DHDH: variants seen among roughly 807,000 people sequenced by gnomAD.
The protein encoded by DHDH is trans-1,2-dihydrobenzene-1,2-diol dehydrogenase.
In DHDH, 29 loss-of-function variants were observed where a neutral mutation model predicts 33.2. The ratio of observed to expected loss-of-function variants is 0.87; its 90% CI spans 0.65 to 1.19. The LOEUF (loss-of-function observed/expected upper bound fraction) is 1.19, where lower values mean the gene tolerates loss of function less well. Ranked by LOEUF, DHDH falls within the 50% of genes most tolerant of loss-of-function variation. The pLI is 0.00. For synonymous variants in DHDH, 201 were observed against 187.9 expected, an observed-to-expected ratio of 1.07 and a Z score of -0.57; for missense variants, 431 against 455.0, an observed-to-expected ratio of 0.95 and a Z score of 0.48.
At chr19:48,941,985 C>CGTGTGTGTGTGTGT (rs60467743) in intron 4 of DHDH, among the ~76,000 whole-genome samples, 6 of 132,148 alleles carry the variant, frequency 4.5e-5, no homozygotes, top group African/African-American at 1.8e-4. Flanking sequence ...GACTGTACTT[C>CGTGTGTGTGTGTGT]GTGTGTGTGT....
At chr19:48,944,615 G>A in intron 6 of DHDH, 108 bp downstream of exon 6, 1 of 1,485,074 alleles carries the variant, frequency 6.7e-7, no homozygotes, top group Non-Finnish European at 9.0e-7. Context: ...CCAGGAGGTT[G>A]CAGTGAGCCG....
chr19:48,937,684 C>T (rs191673159), intron 3 of DHDH, among the ~76,000 whole-genome samples: 2,495 of 151,854 alleles, frequency 0.016, 69 homozygotes, highest in African/African-American at 0.056. Context: ...TGGTGGCGGG[C>T]GCCTGTAGTC....
Position 48,936,583 on chromosome 19 carries a change from C to T in DHDH, c.366+388C>T, listed in dbSNP as rs1457781443. Among the ~76,000 whole-genome samples, 8 of 151,382 alleles carry T rather than the reference C, an allele frequency of 5.3e-5. 1 individual carries two copies. The South Asian group carries it at 1.5e-3, about 28-fold the overall frequency. On this transcript the variant is annotated intron_variant, in intron 3 of 6. Coordinates refer to ENST00000221403, the MANE Select transcript of DHDH (RefSeq NM_014475.4). ...TGGTGGCGGGCGCCTGTAGTCCCAG[C>T]TACTTGGGAGGCTGAGGCAGGAGAA...
rs372422137 is a variant in DHDH at position 48,935,014 on chromosome 19, G to A, written c.105G>A (p.Ala35=). Residue 35 remains alanine, a synonymous_variant, in exon 2 of 7, where the codon GCG becomes GCA. Transcript: ENST00000221403. ...PRSEHQVVAV[A]ARDLSRAKEF... ...TGCCCCTCCAGGTGGTGGCGGTGGCGGCCCGCGATCTGAGCCGTGCGAAGG... is the reference window on the plus strand; with the variant it reads ...TGCCCCTCCAGGTGGTGGCGGTGGCAGCCCGCGATCTGAGCCGTGCGAAGG... 15 of 1,566,010 alleles carry A rather than the reference G, an allele frequency of 9.6e-6. No individual in the cohort carries two copies. The highest frequency in any genetic ancestry group is 1.3e-5 in the Non-Finnish European group (15 of 1,158,526).
At chr19:48,943,974 G>A (rs532662366) in intron 5 of DHDH, among the ~76,000 whole-genome samples, 2 of 133,714 alleles carry the variant, frequency 1.5e-5, no homozygotes, top group African/African-American at 5.0e-5. Context: ...CAGCCTGGGC[G>A]ACAGAGCGAG....
At chr19:48,940,449 T>G (rs1174346433) in intron 4 of DHDH, among the ~76,000 whole-genome samples, 2 of 150,670 alleles carry the variant, frequency 1.3e-5, no homozygotes, top group African/African-American at 2.5e-5. Context: ...GCCACCCAGA[T>G]GTGATGCCCT....
intron 4 of DHDH, 103 bp downstream of exon 4, chr19:48,939,804 A>C: frequency 6.8e-7 from 1 of 1,461,208 alleles, no homozygotes; most frequent in Non-Finnish European, 9.1e-7. Flanking sequence ...ATTAGATCAG[A>C]CACCTAGAGG....
At chr19:48,935,228 G>A (rs2037755345) in intron 2 of DHDH, 117 bp downstream of exon 2, 1 of 738,008 alleles carries the variant, frequency 1.4e-6, no homozygotes. Context: ...GTTCCATAAA[G>A]ACCTTTGGCT....
At chr19:48,940,331 G>A (rs193014062) in intron 4 of DHDH, among the ~76,000 whole-genome samples, 1 of 151,650 alleles carries the variant, frequency 6.6e-6, no homozygotes, top group African/African-American at 2.4e-5. Flanking sequence ...CTCTAGCCTG[G>A]GCGACAGAGT....
At chr19:48,936,471 C>A (rs60599403) in intron 3 of DHDH, among the ~76,000 whole-genome samples, 1 of 151,616 alleles carries the variant, frequency 6.6e-6, no homozygotes, top group Non-Finnish European at 1.5e-5. Flanking sequence ...CCGAGGCGGG[C>A]GGAGCACGGG....
intron 4 of DHDH, among the ~76,000 whole-genome samples, chr19:48,941,985 CGTGTGTGTGTGT>C (rs60467743): frequency 1.2e-3 from 154 of 132,232 alleles, no homozygotes; most frequent in African/African-American, 3.6e-3. Context: ...GACTGTACTT[CGTGTGTGTGTGT>C]GTGTGTGTGT....
intron 2 of DHDH, among the ~76,000 whole-genome samples, chr19:48,935,677 C>T (rs1307704546): frequency 6.8e-6 from 1 of 146,186 alleles, no homozygotes; most frequent in African/African-American, 2.6e-5. Flanking sequence ...ATTAGCCGGG[C>T]ATGGTGGCGG....
At chr19:48,939,278 CA>C (rs199651046) in intron 3 of DHDH, among the ~76,000 whole-genome samples, 170 bp from the exon 4 acceptor site, 9 of 145,552 alleles carry the variant, frequency 6.2e-5, no homozygotes, top group Admixed American at 6.9e-5. Flanking sequence ...TATCTCTATT[CA>C]AAAAAAAAAG....
At chr19:48,935,163 C>A in intron 2 of DHDH, 52 bp downstream of exon 2, 1 of 1,407,554 alleles carries the variant, frequency 7.1e-7, no homozygotes, top group South Asian at 1.4e-5. Flanking sequence ...GAGCGGTGCC[C>A]CCTGGCTGCC....
At chr19:48,940,564 T>A (rs2037844941) in intron 4 of DHDH, among the ~76,000 whole-genome samples, 1 of 148,944 alleles carries the variant, frequency 6.7e-6, no homozygotes, top group African/African-American at 2.5e-5. Context: ...CAAAACTTAG[T>A]GACTTCAGGC....
intron 5 of DHDH, among the ~76,000 whole-genome samples, 179 bp from the exon 6 acceptor site, chr19:48,944,178 A>G (rs1223105023): frequency 6.6e-6 from 1 of 152,122 alleles, no homozygotes; most frequent in African/African-American, 2.4e-5. Flanking sequence ...TTGCTAAGGA[A>G]CAAACTTCTA....
Position 48,934,984 on chromosome 19 carries a change from T to A in DHDH, c.91-16T>A. On this transcript the variant is annotated splice_polypyrimidine_tract_variant and intron_variant, in intron 1 of 6. Transcript: ENST00000221403. Reference sequence around the variant, plus strand: ...CCTGCCTCAGCCCCTCAAATCCGATTCTTGTGCCCCTCCAGGTGGTGGCGG... The same window carrying A: ...CCTGCCTCAGCCCCTCAAATCCGATACTTGTGCCCCTCCAGGTGGTGGCGG... 1 of 1,529,916 alleles carries A rather than the reference T, an allele frequency of 6.5e-7. No individual in the cohort carries two copies. 94.8% of individuals were successfully genotyped at this position (1,529,916 alleles called of 1,614,324 possible). A position where few individuals can be genotyped will look rare whatever the true frequency, so the allele number is the denominator to read the frequency against.
At chr19:48,937,737 G>T (rs1261935921) in intron 3 of DHDH, among the ~76,000 whole-genome samples, 1 of 151,354 alleles carries the variant, frequency 6.6e-6, no homozygotes, top group Non-Finnish European at 1.5e-5. Flanking sequence ...GCGTGAACCC[G>T]GGAGGCGGAG....
Position 48,935,109 on chromosome 19 carries a change from TG to T in DHDH, c.202+1del. 6.4e-7 allele frequency: 1 copy of T among 1,556,552 alleles called. No homozygotes were observed. Among genetic ancestry groups the T allele is most frequent in the Non-Finnish European group, 8.7e-7 (1 of 1,154,818 alleles). On this transcript the variant is annotated frameshift_variant and splice_region_variant, in exon 2 of 7. Transcript: ENST00000221403. LOFTEE classifies it high-confidence loss of function. ...SYEELAKDPS[V>X]EVAYIGTQHP... ...GAGGAGCTGGCCAAGGACCCGAGCG[TG>T]GGTGAGTGGCGAGGGCGATGGGGGT... is the stretch of plus-strand genomic sequence containing the variant.
Sources: gnomAD v4.1 joint callset for allele counts (sites outside exome capture counted in the v4.1 genomes callset) on GRCh38, gnomAD v4.1.1 for gene constraint, MANE v1.5 for transcripts, NCBI Gene and HGNC (gene_info 2026-07-23, HGNC 2026-07-21) for gene names.